ATP10A: variants seen among roughly 807,000 people sequenced by gnomAD.
ATP10A encodes the protein phospholipid-transporting ATPase VA.
Under a neutral mutation model 147.8 loss-of-function variants are expected in ATP10A, and 111 were observed. That is an observed-to-expected ratio of 0.75 (90% CI 0.64 to 0.88). The LOEUF is 0.88. Among genes scored for constraint, ATP10A ranks in the 40% least tolerant of loss-of-function variants. The probability of loss-of-function intolerance (pLI) is 0.00; values close to 1 mark genes in which losing one functional copy is unlikely to be tolerated. For synonymous variants in ATP10A, 875 were observed against 841.6 expected (o/e 1.04, Z -0.69); for missense variants, 1,927 against 1,959.0 (o/e 0.98, Z 0.31).
intron 5 of ATP10A, 108 bp downstream of exon 5, chr15:25,725,843 C>T: frequency 2.3e-6 from 3 of 1,313,544 alleles, no homozygotes; most frequent in Non-Finnish European, 2.0e-6. Context: ...GTCACCAACT[C>T]CTGACCTCAA....
intron 1 of ATP10A, among the ~76,000 whole-genome samples, chr15:25,849,858 A>G (rs533321893): frequency 6.6e-6 from 1 of 152,042 alleles, no homozygotes; most frequent in East Asian, 1.9e-4. Flanking sequence ...AAAAAAAAAT[A>G]AATGTGTACA....
Position 25,707,585 on chromosome 15 carries a change from C to T in ATP10A, c.2575+391G>A, listed in dbSNP as rs189793287. 1.1e-3 allele frequency among the ~76,000 whole-genome samples: 171 copies of T among 152,264 alleles called. 1 individual carries two copies. The highest frequency in any genetic ancestry group is 3.8e-3 in the African/African-American group (159 of 41,536). On this transcript the variant is annotated intron_variant, in intron 12 of 20. Coordinates refer to ENST00000555815, the MANE Select transcript of ATP10A (RefSeq NM_024490.4). ...ATGAGCCCATTTTCTTTTCATTCAC[C>T]TCGAATCTGTGAAACATTCCTAAGA...
intron 1 of ATP10A, among the ~76,000 whole-genome samples, chr15:25,829,101 A>C (rs1252136919): frequency 6.6e-6 from 1 of 152,196 alleles, no homozygotes; most frequent in African/African-American, 2.4e-5. Context: ...GTCGATGCAA[A>C]TTTTATTTCC....
chr15:25,735,982 CTG>C (rs1887243232), intron 3 of ATP10A, 72 bp downstream of exon 3: 1 of 1,289,030 alleles, frequency 7.8e-7, no homozygotes, highest in Non-Finnish European at 1.1e-6. Context: ...TACTTTATAA[CTG>C]AGAATGTGTA....
chr15:25,718,217 T>G lies in ATP10A; in HGVS notation c.1546A>C (p.Met516Leu). 1.2e-6 allele frequency: 2 copies of G among 1,613,148 alleles called. No homozygotes were observed. Among genetic ancestry groups the G allele is most frequent in the South Asian group, 1.1e-5 (1 of 91,052 alleles). The change falls in exon 8 of 21, where the codon ATG (methionine) becomes CTG (leucine). Residue 516 changes from methionine to leucine, a missense_variant. Met to Leu is a conservative substitution (Grantham distance 15). Transcript: ENST00000555815. ...GSRAEAKRAS[M>L]LSKHTAFSSP... ...CTGAAGGCCGTGTGCTTGGACAGCA[T>G]GCTGGCCCTCTTGGCCTCGGCCCGG...
chr15:25,676,390 A>G (rs1446970029), downstream of ATP10A, among the ~76,000 whole-genome samples: 1 of 152,186 alleles, frequency 6.6e-6, no homozygotes, highest in Admixed American at 6.5e-5. Flanking sequence ...TTCCATGTGC[A>G]GGGGAGAAGC....
At chr15:25,726,183 G>A (rs1416650024) in intron 4 of ATP10A, 101 bp from the exon 5 acceptor site, 2 of 1,369,758 alleles carry the variant, frequency 1.5e-6, no homozygotes, top group Non-Finnish European at 2.0e-6. Flanking sequence ...ATTCAGTGGT[G>A]CTTAGGTGAG....
intron 1 of ATP10A, among the ~76,000 whole-genome samples, chr15:25,800,867 C>T (rs999775785): frequency 6.6e-6 from 1 of 152,126 alleles, no homozygotes. Context: ...AATATTACAA[C>T]GACATCAGGA....
At chr15:25,765,558 G>C (rs1286021186) in intron 2 of ATP10A, among the ~76,000 whole-genome samples, 1 of 152,128 alleles carries the variant, frequency 6.6e-6, no homozygotes, top group Admixed American at 6.6e-5. Context: ...CTCATGTGCA[G>C]GTAAGCGGTC....
At position 25,680,983 on chromosome 15, in the gene ATP10A, G is replaced by C. The variant is rs747992646; in HGVS notation, c.3573+11C>G. 1.9e-6 allele frequency: 3 copies of C among 1,614,048 alleles called. No homozygotes were observed. The highest frequency in any genetic ancestry group is 2.5e-6 in the Non-Finnish European group (3 of 1,179,928). ...GCTGGTAAGAAAAACTGCACCCAGGGGCCAACTTACCAGGTAAGGAATGGA... is the reference window on the plus strand; with the variant it reads ...GCTGGTAAGAAAAACTGCACCCAGGCGCCAACTTACCAGGTAAGGAATGGA... On this transcript the variant is annotated intron_variant, in intron 18 of 20. Transcript: ENST00000555815.
intron 1 of ATP10A, among the ~76,000 whole-genome samples, chr15:25,789,591 T>TGTGA (rs1555470190): frequency 2.0e-5 from 3 of 151,254 alleles, no homozygotes; most frequent in African/African-American, 4.9e-5. Context: ...TGTGTGTGTG[T>TGTGA]GACAGAGACA....
intron 13 of ATP10A, among the ~76,000 whole-genome samples, chr15:25,697,349 G>A (rs1312722623): frequency 2.6e-5 from 4 of 152,094 alleles, no homozygotes; most frequent in Admixed American, 6.5e-5. Context: ...ATTAAAAATG[G>A]CCAGTGTCAT....
chr15:25,802,838 G>T (rs924676073), intron 1 of ATP10A, among the ~76,000 whole-genome samples: 1 of 152,162 alleles, frequency 6.6e-6, no homozygotes, highest in African/African-American at 2.4e-5. Context: ...AGAAGCTCCT[G>T]ACTTCCCCTT....
chr15:25,783,477 A>ACCC (rs34937685), intron 1 of ATP10A, among the ~76,000 whole-genome samples: 83 of 145,414 alleles, frequency 5.7e-4, no homozygotes, highest in African/African-American at 1.1e-3. Context: ...GATTTGAGGG[A>ACCC]CCCCCCCCTG....
intron 3 of ATP10A, among the ~76,000 whole-genome samples, chr15:25,728,235 G>C (rs1902708662): frequency 6.6e-6 from 1 of 152,204 alleles, no homozygotes. Flanking sequence ...TTGGCCTTCT[G>C]ACCAGGGAAA....
chr15:25,807,632 G>A (rs1181411618), intron 1 of ATP10A, among the ~76,000 whole-genome samples: 3 of 151,988 alleles, frequency 2.0e-5, no homozygotes, highest in African/African-American at 4.8e-5. Context: ...GTGAAACCCC[G>A]CCTCTATGAA....
chr15:25,828,605 C>T (rs1892219349), intron 1 of ATP10A, among the ~76,000 whole-genome samples: 1 of 152,164 alleles, frequency 6.6e-6, no homozygotes, highest in Non-Finnish European at 1.5e-5. Flanking sequence ...AAACAAAAAT[C>T]CAACACACCA....
chr15:25,789,502 G>A (rs184494174), intron 1 of ATP10A, among the ~76,000 whole-genome samples: 5 of 151,908 alleles, frequency 3.3e-5, no homozygotes, highest in East Asian at 1.9e-4. Flanking sequence ...TGCCAAGGCC[G>A]ATGCCTTGGG....
chr15:25,823,017 T>C (rs769992837), intron 1 of ATP10A, among the ~76,000 whole-genome samples: 1 of 152,194 alleles, frequency 6.6e-6, no homozygotes, highest in Non-Finnish European at 1.5e-5. Context: ...GAACTATTGA[T>C]GCTTCTGCAA....
Sources: gnomAD v4.1 joint callset for allele counts (sites outside exome capture counted in the v4.1 genomes callset) on GRCh38, gnomAD v4.1.1 for gene constraint, MANE v1.5 for transcripts, NCBI Gene and HGNC (gene_info 2026-07-23, HGNC 2026-07-21) for gene names.